The following TAF4B variants were observed in gnomAD, a reference collection of about 807,000 sequenced individuals.
TAF4B encodes transcription initiation factor TFIID subunit 4B.
Under a neutral mutation model 86.4 loss-of-function variants are expected in TAF4B, and 38 were observed. The observed-to-expected ratio is 0.44, with a 90% CI of 0.34 to 0.58. The LOEUF (loss-of-function observed/expected upper bound fraction) is 0.58, where lower values mean the gene tolerates loss of function less well. Ranked by LOEUF, TAF4B falls within the 20% of genes least tolerant of loss-of-function variation. The pLI, the probability that TAF4B is intolerant of heterozygous loss-of-function variation, is 0.02. For synonymous variants in TAF4B, 388 were observed against 391.2 expected (o/e 0.99, Z 0.10); for missense variants, 988 against 1,027.6 (o/e 0.96, Z 0.53).
chr18:26,289,116 A>G (rs925784947), intron 7 of TAF4B, among the ~76,000 whole-genome samples: 12 of 152,222 alleles, frequency 7.9e-5, no homozygotes, highest in Admixed American at 3.3e-4. Flanking sequence ...TGGTAATGCC[A>G]TAGAGAAGAT....
intron 14 of TAF4B, among the ~76,000 whole-genome samples, chr18:26,373,704 ATCT>A (rs2057421718): frequency 6.6e-6 from 1 of 152,026 alleles, no homozygotes; most frequent in African/African-American, 2.4e-5. Flanking sequence ...TGAATTGGTA[ATCT>A]TCTTTCCATC....
intron 12 of TAF4B, among the ~76,000 whole-genome samples, chr18:26,328,088 G>A (rs949003069): frequency 2.6e-5 from 4 of 152,172 alleles, no homozygotes; most frequent in Non-Finnish European, 5.9e-5. Context: ...TTAATTTCTA[G>A]CGTTCTTGAT....
At chr18:26,241,123 CT>C (rs1157402906) in intron 1 of TAF4B, among the ~76,000 whole-genome samples, 2 of 152,122 alleles carry the variant, frequency 1.3e-5, no homozygotes, top group Non-Finnish European at 2.9e-5. Flanking sequence ...AGGATTCCTT[CT>C]TTTTCTGTTG....
intron 4 of TAF4B, 45 bp from the exon 5 acceptor site, chr18:26,274,886 C>T: frequency 2.5e-6 from 4 of 1,612,234 alleles, no homozygotes; most frequent in Non-Finnish European, 3.4e-6. Flanking sequence ...GAATTGTTTG[C>T]TCACTAACAC....
At chr18:26,334,584 A>G (rs1456485605) in intron 12 of TAF4B, among the ~76,000 whole-genome samples, 2 of 152,228 alleles carry the variant, frequency 1.3e-5, no homozygotes, top group Non-Finnish European at 1.5e-5. Flanking sequence ...GCGACATCCA[A>G]TAAACAATTA....
chr18:26,274,562 C>A, intron 3 of TAF4B, 101 bp from the exon 4 acceptor site: 2 of 1,321,004 alleles, frequency 1.5e-6, no homozygotes, highest in Non-Finnish European at 2.1e-6. Context: ...TAACATAAAA[C>A]CACAGATGTC....
chr18:26,233,702 T>G (rs1192039809), intron 1 of TAF4B, among the ~76,000 whole-genome samples: 2 of 152,208 alleles, frequency 1.3e-5, no homozygotes, highest in Non-Finnish European at 2.9e-5. Flanking sequence ...AATTAGGACT[T>G]AAACCACTTC....
intron 1 of TAF4B, among the ~76,000 whole-genome samples, chr18:26,257,101 T>TAA (rs2056096400): frequency 1.3e-5 from 2 of 152,096 alleles, no homozygotes; most frequent in Admixed American, 1.3e-4. Flanking sequence ...CTGAGTTAGG[T>TAA]TTAGTTGGTT....
chr18:26,387,774 T>C (rs758026152), intron 14 of TAF4B, among the ~76,000 whole-genome samples: 2 of 152,214 alleles, frequency 1.3e-5, no homozygotes, highest in Non-Finnish European at 2.9e-5. Context: ...ATTGTTTCCA[T>C]GGATACTTAT....
At chr18:26,326,660 A>G (rs1343020370) in intron 11 of TAF4B, among the ~76,000 whole-genome samples, 2 of 152,190 alleles carry the variant, frequency 1.3e-5, no homozygotes, top group East Asian at 1.9e-4. Context: ...ATAATAATCT[A>G]AAAAGATTTT....
At chr18:26,370,738 C>T (rs868561083) in intron 14 of TAF4B, among the ~76,000 whole-genome samples, 40 of 152,254 alleles carry the variant, frequency 2.6e-4, no homozygotes, top group Admixed American at 2.3e-3. Context: ...AAAGTTGGAT[C>T]AGGCTGAAGT....
intron 2 of TAF4B, 171 bp from the exon 3 acceptor site, chr18:26,267,345 G>T (rs1429398003): frequency 3.5e-5 from 16 of 453,592 alleles, no homozygotes; most frequent in Non-Finnish European, 6.3e-5. Flanking sequence ...CATCTGGGCA[G>T]CTGACCAGTT....
At chr18:26,298,390 T>G (rs1008016021) in intron 9 of TAF4B, among the ~76,000 whole-genome samples, 1 of 151,468 alleles carries the variant, frequency 6.6e-6, no homozygotes, top group South Asian at 2.1e-4. Context: ...AACCACACTC[T>G]GCTAATTTTG....
intron 11 of TAF4B, among the ~76,000 whole-genome samples, chr18:26,323,960 G>A (rs1181911985): frequency 6.6e-6 from 1 of 151,980 alleles, no homozygotes; most frequent in Non-Finnish European, 1.5e-5. Flanking sequence ...TTTTCTGTAT[G>A]CCTTATAAGT....
At chr18:26,312,545 A>G (rs2056863677) in intron 9 of TAF4B, among the ~76,000 whole-genome samples, 1 of 152,152 alleles carries the variant, frequency 6.6e-6, no homozygotes. Flanking sequence ...CAAGATTCTA[A>G]AAGACATGGG....
intron 9 of TAF4B, among the ~76,000 whole-genome samples, chr18:26,313,727 C>G (rs1475999436): frequency 6.6e-6 from 1 of 151,816 alleles, no homozygotes; most frequent in Non-Finnish European, 1.5e-5. Context: ...GTGCAGTGGC[C>G]TGATCACAGC....
At chr18:26,357,383 C>G (rs1357510031) in intron 13 of TAF4B, among the ~76,000 whole-genome samples, 1 of 152,178 alleles carries the variant, frequency 6.6e-6, no homozygotes, top group Non-Finnish European at 1.5e-5. Context: ...ACTTACTGTT[C>G]AACTTAATCC....
At position 26,292,232 on chromosome 18, in the gene TAF4B, T is replaced by G. The variant is rs752757298; in HGVS notation, c.1591-14T>G. The G allele has an allele frequency of 1.2e-5, 19 of 1,611,884 alleles. No individual in the cohort carries two copies. Among genetic ancestry groups the G allele is most frequent in the Non-Finnish European group, 1.6e-5 (19 of 1,179,332 alleles). On this transcript the variant is annotated splice_polypyrimidine_tract_variant and intron_variant, in intron 7 of 14. Coordinates refer to ENST00000269142, the MANE Select transcript of TAF4B (RefSeq NM_005640.3). The stretch of plus-strand genomic sequence containing the variant: ...TAAGTTGAACAACTATATTGATAGT[T>G]CTCATTGTTTCAGGTAGTTCAGCAG...
intron 13 of TAF4B, among the ~76,000 whole-genome samples, chr18:26,349,533 G>A (rs142487584): frequency 5.3e-5 from 8 of 152,122 alleles, no homozygotes; most frequent in South Asian, 4.2e-4. Context: ...ATTATAAAAC[G>A]CTAATGAAAG....
Sources: allele counts gnomAD v4.1 joint callset (sites outside exome capture counted in the v4.1 genomes callset), GRCh38; gene constraint gnomAD v4.1.1; transcripts MANE v1.5; gene names NCBI Gene and HGNC (gene_info 2026-07-23, HGNC 2026-07-21).